Variants in FASN observed in about 807,000 individuals in gnomAD.
FASN encodes 3-hydroxyacyl-[acyl-carrier-protein] dehydratase.
Under a neutral mutation model 250.0 loss-of-function variants are expected in FASN, and 50 were observed. The ratio of observed to expected loss-of-function variants is 0.20; its 90% confidence interval spans 0.16 to 0.25. The LOEUF (loss-of-function observed/expected upper bound fraction) is 0.25. Ranked by LOEUF, FASN falls within the 10% of genes least tolerant of loss-of-function variation. FASN has a pLI of 1.00. For synonymous variants in FASN, 1,909 were observed against 1,584.0 expected, an observed-to-expected ratio of 1.21 and a Z score of -4.87; for missense variants, 3,031 against 3,498.5, an observed-to-expected ratio of 0.87 and a Z score of 3.37.
Position 82,085,745 on chromosome 17 carries a change from G to T in FASN, c.3859C>A (p.Leu1287Met), listed in dbSNP as rs1352373214. 3 of 1,564,578 alleles carry T rather than the reference G, an allele frequency of 1.9e-6. No homozygotes were observed. Among genetic ancestry groups the T allele is most frequent in the Non-Finnish European group, 2.6e-6 (3 of 1,155,276 alleles). The part of the protein sequence containing the change: ...PQALEAAQAE[L>M]QQHDVAQGQW... Reference sequence around the variant, plus strand: ...CCCTGGGCAACGTCGTGCTGCTGCAGCTCGGCCTGGGCAGCCTCCAGGGCC... The same window carrying T: ...CCCTGGGCAACGTCGTGCTGCTGCATCTCGGCCTGGGCAGCCTCCAGGGCC... The change falls in exon 23 of 43, where the codon CTG becomes ATG. Residue 1287 changes from leucine (L) to methionine (M), a missense_variant. Transcript: ENST00000306749.
rs1471094756 is a variant in FASN at position 82,089,404 on chromosome 17, G to A, written c.1966-20C>T. 3.1e-6 allele frequency: 5 copies of A among 1,612,766 alleles called. No individual in the cohort carries two copies. The South Asian group carries it at 5.5e-5, about 18-fold the overall frequency. On this transcript the variant is annotated intron_variant, in intron 12 of 42. Transcript: ENST00000306749. Reference sequence around the variant, plus strand: ...CGGGGCCTGGACATCGTGGGAGCCTGGATAAGCATCCTGGCTGGGCACCCA... The same window carrying A: ...CGGGGCCTGGACATCGTGGGAGCCTAGATAAGCATCCTGGCTGGGCACCCA...
chr17:82,092,734 G>A lies in FASN; in HGVS notation c.857C>T (p.Ser286Leu), dbSNP rs1166112196. The part of the protein sequence containing the change: ...LYQSAGVAPE[S>L]FEYIEAHGTG... Reference sequence around the variant, plus strand: ...GCCGTGGGCTTCGATGTATTCAAATGACTCAGGGGCCACTCCGGCCGACTG... The same window carrying A: ...GCCGTGGGCTTCGATGTATTCAAATAACTCAGGGGCCACTCCGGCCGACTG... The change falls in exon 7 of 43, where the codon TCA (serine) becomes TTA (leucine). Residue 286 changes from serine (S) to leucine (L), a missense_variant. Ser to Leu is a moderately radical substitution (Grantham distance 145). Coordinates refer to ENST00000306749, the MANE Select transcript of FASN (RefSeq NM_004104.5). 3.1e-6 allele frequency: 5 copies of A among 1,603,366 alleles called. No individual in the cohort carries two copies. In the South Asian group the frequency reaches 4.5e-5, roughly 14 times the overall value.
At position 82,081,755 on chromosome 17, in the gene FASN, C is replaced by A; in HGVS notation, c.6252G>T (p.Leu2084=). ...STNDTIVSGT[L]PQRMASCLEV... ...CCAGGCAGGACGCCATGCGCTGGGG[C>A]AGCGTGCCACTGACGATCGTGTCGT... Residue 2084 remains leucine, a synonymous_variant, in exon 37 of 43, where the codon CTG becomes CTT. Transcript: ENST00000306749. 6.2e-7 allele frequency: 1 copy of A among 1,612,712 alleles called. No individual in the cohort carries two copies. The highest frequency in any genetic ancestry group is 8.5e-7 in the Non-Finnish European group (1 of 1,180,014).
At chr17:82,088,067 A>G (rs1426056600) in intron 17 of FASN, 33 bp from the exon 18 acceptor site, 8 of 1,612,516 alleles carry the variant, frequency 5.0e-6, no homozygotes, top group Non-Finnish European at 6.8e-6. Flanking sequence ...ATCAGAGGGC[A>G]GCACCCGCCC....
chr17:82,084,586 C>T lies in FASN; in HGVS notation c.4695G>A (p.Thr1565=), dbSNP rs778360804. ...QPTCPGAQLC[T]VYYASLNFRD... The stretch of plus-strand genomic sequence containing the variant: ...GGAAGTTGAGGGAGGCGTAGTAGAC[C>T]GTGCAGAGCTGGGCGCCAGGGCAGG... Residue 1565 remains threonine, a synonymous_variant, in exon 27 of 43, where the codon ACG becomes ACA. Coordinates refer to ENST00000306749, the MANE Select transcript of FASN (RefSeq NM_004104.5). The T allele has an allele frequency of 8.7e-6, 14 of 1,610,808 alleles. No individual in the cohort carries two copies. Among genetic ancestry groups the T allele is most frequent in the East Asian group, 6.7e-5 (3 of 44,832 alleles).
chr17:82,095,379 G>C lies in FASN; in HGVS notation c.221C>G (p.Thr74Arg). Residue 74 changes from threonine (T) to arginine (R), a missense_variant, in exon 3 of 43, where the codon ACG becomes AGG. Thr to Arg is a moderately conservative substitution (Grantham distance 71). Transcript: ENST00000306749. ...FFGVHPKQAH[T>R]MDPQLRLLLE... ...CAGCAGCCGCAGCTGAGGGTCCATC[G>C]TGTGTGCCTGCTTGGGGTGGACTCC... 6.2e-7 allele frequency: 1 copy of C among 1,612,994 alleles called. No homozygotes were observed. Among genetic ancestry groups the C allele is most frequent in the Non-Finnish European group, 8.5e-7 (1 of 1,180,014 alleles).
At position 82,085,276 on chromosome 17, in the gene FASN, C is replaced by T. The variant is rs1248214580; in HGVS notation, c.4249G>A (p.Val1417Met). The T allele has an allele frequency of 6.2e-7, 1 of 1,611,494 alleles. No individual in the cohort carries two copies. Among genetic ancestry groups the T allele is most frequent in the African/African-American group, 1.3e-5 (1 of 74,912 alleles). ...ACCCAGCGGAAGCTGGTATCGTCCACCGGCAGGAAGATGGGGCTGTCCTGC... is the reference window on the plus strand; with the variant it reads ...ACCCAGCGGAAGCTGGTATCGTCCATCGGCAGGAAGATGGGGCTGTCCTGC... ...TPQDSPIFLP[V>M]DDTSFRWVES... Residue 1417 changes from valine (V) to methionine (M), a missense_variant, in exon 24 of 43, where the codon GTG (valine) becomes ATG (methionine). Physicochemically the swap from Val to Met is conservative, Grantham distance 21. Transcript: ENST00000306749.
At chr17:82,091,176 C>T (rs752369950) in intron 9 of FASN, 46 bp downstream of exon 9, 13 of 1,601,808 alleles carry the variant, frequency 8.1e-6, no homozygotes, top group Non-Finnish European at 9.3e-6. Context: ...GTTCGCCTGC[C>T]TTTCCCCAGG....
rs1222798843 is a variant in FASN, at chr17:82,082,173, G to A, written c.6012-13C>T. 1.1e-5 allele frequency: 17 copies of A among 1,601,532 alleles called. No homozygotes were observed. The highest frequency in any genetic ancestry group is 1.3e-5 in the Non-Finnish European group (15 of 1,179,900). On this transcript the variant is annotated splice_polypyrimidine_tract_variant and intron_variant, in intron 35 of 42. Transcript: ENST00000306749. ...CTCTCGGGTCACCCTGTGGGCACGC[G>A]TGTCACTCCCCATTGGCCAGCATCC...
chr17:82,092,704 C>T lies in FASN; in HGVS notation c.887G>A (p.Gly296Asp). Residue 296 changes from glycine to aspartate, a missense_variant, in exon 7 of 43, where the codon GGC (glycine) becomes GAC (aspartate). Transcript: ENST00000306749. ...GGGGGGGGGGGGCATCACCTTGGTG[C>T]CTGTGCCGTGGGCTTCGATGTATTC... ...SFEYIEAHGT[G>D]TKVGDPQELN... The T allele has an allele frequency of 1.3e-6, 2 of 1,590,900 alleles. No individual in the cohort carries two copies. The highest frequency in any genetic ancestry group is 1.7e-4 in the Middle Eastern group (1 of 5,860).
In FASN at chr17:82,088,757, C is replaced by T. The variant is rs1411157049; in HGVS notation, c.2420+4G>A. 10 of 1,610,398 alleles carry T rather than the reference C, an allele frequency of 6.2e-6. No homozygotes were observed. The highest frequency in any genetic ancestry group is 8.5e-6 in the Non-Finnish European group (10 of 1,178,404). Reference sequence around the variant, plus strand: ...GACGAGACCCGGGCTGGGAAGGGACCCACCCTGAGAGGTGCAGCCTGCCGA... The same window carrying T: ...GACGAGACCCGGGCTGGGAAGGGACTCACCCTGAGAGGTGCAGCCTGCCGA... On this transcript the variant is annotated splice_donor_region_variant and intron_variant, in intron 15 of 42. Transcript: ENST00000306749.
At position 82,093,298 on chromosome 17, in the gene FASN, C is replaced by T. The variant is rs1210333830; in HGVS notation, c.576G>A (p.Leu192=). The T allele has an allele frequency of 1.3e-6, 2 of 1,598,376 alleles. No homozygotes were observed. The highest frequency in any genetic ancestry group is 3.5e-5 in the Admixed American group (2 of 57,610). The change falls in exon 5 of 43, where the codon CTG becomes CTA. Residue 192 remains leucine, a synonymous_variant. Coordinates refer to ENST00000306749, the MANE Select transcript of FASN (RefSeq NM_004104.5). ...AAIVGGINVL[L]KPNTSVQFLR... is the part of the protein sequence containing the mutation. ...AGAACTGCACGGAGGTGTTGGGCTT[C>T]AGCAGGACATTGATGCCCCCCACGA...
chr17:82,085,453 C>T (rs772590102), intron 23 of FASN, 29 bp downstream of exon 23: 19 of 1,592,976 alleles, frequency 1.2e-5, no homozygotes, highest in Non-Finnish European at 1.5e-5. Flanking sequence ...ACCCGGCCCC[C>T]ACCCTGTCCC....
chr17:82,087,899 C>A (rs761004581), intron 18 of FASN, 38 bp from the exon 19 acceptor site: 1 of 1,612,114 alleles, frequency 6.2e-7, no homozygotes, highest in Non-Finnish European at 8.5e-7. Context: ...TGAGGACGGG[C>A]GGCATGGCCA....
chr17:82,086,133 A>G lies in FASN; in HGVS notation c.3732+121T>C, dbSNP rs546135302. 7.5e-5 allele frequency: 112 copies of G among 1,488,078 alleles called. 1 individual carries two copies. The South Asian group carries it at 1.3e-3, about 17-fold the overall frequency. 92.2% of individuals were successfully genotyped at this position (1,488,078 alleles called of 1,614,324 possible). ...ACACGTGCACAGAACCACACAGGGA[A>G]CTGGCCGGCCCCACCCACCGCCCAG... On this transcript the variant is annotated intron_variant, in intron 22 of 42. Transcript: ENST00000306749.
At chr17:82,090,737 C>T (rs1196425216) in intron 10 of FASN, 145 bp downstream of exon 10, 6 of 1,101,244 alleles carry the variant, frequency 5.4e-6, no homozygotes, top group South Asian at 5.4e-5. Context: ...ACCCCTCCTC[C>T]CCTCCCGTCC....
rs554298678 is a variant in FASN at position 82,092,327 on chromosome 17, G to C, written c.1029+128C>G. ...CTCAGACCTGCAGCATAGCCCGGGGGACAGAGGCTCCTGGTGGGGAAGCCC... is the reference window on the plus strand; with the variant it reads ...CTCAGACCTGCAGCATAGCCCGGGGCACAGAGGCTCCTGGTGGGGAAGCCC... On this transcript the variant is annotated intron_variant, in intron 8 of 42. Coordinates refer to ENST00000306749, the MANE Select transcript of FASN (RefSeq NM_004104.5). 59 of 1,005,414 alleles carry C rather than the reference G, an allele frequency of 5.9e-5. No homozygotes were observed. The African/African-American group carries it at 8.6e-4, about 15-fold the overall frequency. 62.3% of individuals were successfully genotyped at this position (1,005,414 alleles called of 1,614,324 possible).
chr17:82,080,510 G>A lies in FASN; in HGVS notation c.6907C>T (p.Arg2303Cys), dbSNP rs538886615. ...GCCCCGTAGGAGTAGCCGGCCACGC[G>A]GTAGGGGCCCTCGGGCTGCACCTGC... ...IRQVQPEGPY[R>C]VAGYSYGACV... The change falls in exon 40 of 43, where the codon CGC becomes TGC. Residue 2303 changes from arginine to cysteine, a missense_variant. Transcript: ENST00000306749. 9.0e-6 allele frequency: 14 copies of A among 1,564,018 alleles called. No homozygotes were observed. Among genetic ancestry groups the A allele is most frequent in the South Asian group, 4.7e-5 (4 of 85,542 alleles).
At chr17:82,086,136 G>T in intron 22 of FASN, 118 bp downstream of exon 22, 1 of 1,499,958 alleles carries the variant, frequency 6.7e-7, no homozygotes, top group Non-Finnish European at 8.9e-7. Flanking sequence ...ACAGGGAACT[G>T]GCCGGCCCCA....
Sources: allele counts gnomAD v4.1 joint callset, GRCh38; gene constraint gnomAD v4.1.1; transcripts MANE v1.5; gene names NCBI Gene and HGNC (gene_info 2026-07-23, HGNC 2026-07-21).